SEMA6A: variants seen among roughly 807,000 people sequenced by gnomAD.
SEMA6A encodes semaphorin-6A.
In SEMA6A, 25 loss-of-function variants were observed where a neutral mutation model predicts 96.8. That is an observed-to-expected ratio of 0.26 (90% CI 0.19 to 0.36). The LOEUF is 0.36. Ranked by LOEUF, SEMA6A falls within the 10% of genes least tolerant of loss-of-function variation. The probability of loss-of-function intolerance (pLI) is 1.00; values close to 1 mark genes in which losing one functional copy is unlikely to be tolerated. For missense variants in SEMA6A, 1,363 were observed against 1,323.1 expected, an observed-to-expected ratio of 1.03 and a Z score of -0.47; for synonymous variants, 612 against 518.0, an observed-to-expected ratio of 1.18 and a Z score of -2.46.
intron 1 of SEMA6A, among the ~76,000 whole-genome samples, chr5:116,568,249 G>A (rs566989627): frequency 7.9e-5 from 12 of 152,058 alleles, no homozygotes; most frequent in South Asian, 4.1e-4. Flanking sequence ...TCATGATTTC[G>A]TATTATTTTC....
At chr5:116,513,128 C>CT (rs112348297) in intron 1 of SEMA6A, among the ~76,000 whole-genome samples, 1,846 of 146,928 alleles carry the variant, frequency 0.013, 33 homozygotes, top group African/African-American at 0.043. Context: ...AGGCAGCTAT[C>CT]TTTTTTTTTT....
At chr5:116,484,982 A>G (rs1756981562) in intron 10 of SEMA6A, among the ~76,000 whole-genome samples, 1 of 152,204 alleles carries the variant, frequency 6.6e-6, no homozygotes, top group African/African-American at 2.4e-5. Flanking sequence ...CCTCAGGGCA[A>G]ATGGATTTGA....
intron 1 of SEMA6A, among the ~76,000 whole-genome samples, chr5:116,508,757 GC>G (rs1758263050): frequency 6.6e-6 from 1 of 152,186 alleles, no homozygotes; most frequent in Admixed American, 6.5e-5. Flanking sequence ...AGCATTGGCT[GC>G]CCCAAATAGG....
chr5:116,481,867 GGGA>G (rs1020732536), intron 11 of SEMA6A, among the ~76,000 whole-genome samples: 9 of 152,040 alleles, frequency 5.9e-5, no homozygotes, highest in African/African-American at 1.9e-4. Flanking sequence ...CCATGATTTG[GGGA>G]GGAGGACACT....
intron 1 of SEMA6A, among the ~76,000 whole-genome samples, chr5:116,545,299 G>A (rs886407071): frequency 1.6e-4 from 24 of 152,288 alleles, no homozygotes; most frequent in African/African-American, 4.8e-4. Flanking sequence ...GGCCAGGCAC[G>A]TGGGTCATGC....
chr5:116,517,419 A>C (rs1758722527), intron 1 of SEMA6A, among the ~76,000 whole-genome samples: 1 of 152,204 alleles, frequency 6.6e-6, no homozygotes, highest in Admixed American at 6.5e-5. Flanking sequence ...TAAAATGAGA[A>C]CGTCTCTTAA....
chr5:116,485,359 G>A (rs181810416), intron 10 of SEMA6A, among the ~76,000 whole-genome samples: 5 of 152,268 alleles, frequency 3.3e-5, no homozygotes, highest in East Asian at 1.9e-4. Flanking sequence ...ATTTCCATGT[G>A]CCAAGACAGT....
rs987583160 is a variant in SEMA6A at position 116,445,589 on chromosome 5, G to T, written c.*1024C>A. The stretch of plus-strand genomic sequence containing the variant: ...TGATTGCTTTAGAAATTAGGATCTG[G>T]AAGGACTTTAACATGAATTAGTTTT... On this transcript the variant is annotated 3_prime_UTR_variant, in exon 19 of 19. Coordinates refer to ENST00000343348, the MANE Select transcript of SEMA6A (RefSeq NM_020796.5). 3 of 152,448 alleles carry T rather than the reference G, an allele frequency of 2.0e-5. No individual in the cohort carries two copies. The highest frequency in any genetic ancestry group is 7.2e-5 in the African/African-American group (3 of 41,454). The allele number at this position is 152,448 out of a possible 1,614,324, so 9.4% of individuals were successfully genotyped here. A position where few individuals can be genotyped will look rare whatever the true frequency, so the allele number is the denominator to read the frequency against.
intron 18 of SEMA6A, among the ~76,000 whole-genome samples, chr5:116,460,362 A>C (rs905974043): frequency 6.6e-6 from 1 of 152,174 alleles, no homozygotes; most frequent in Non-Finnish European, 1.5e-5. Flanking sequence ...TTTTTCGTGG[A>C]ATAAGATTTT....
At chr5:116,571,462 A>G (rs998015275) in intron 1 of SEMA6A, among the ~76,000 whole-genome samples, 1 of 152,234 alleles carries the variant, frequency 6.6e-6, no homozygotes, top group African/African-American at 2.4e-5. Flanking sequence ...GCTTCTTTAC[A>G]TCAAGTTGAA....
At chr5:116,480,005 G>T in intron 12 of SEMA6A, 117 bp downstream of exon 12, 1 of 1,208,648 alleles carries the variant, frequency 8.3e-7, no homozygotes. Context: ...ACAGCTGAAT[G>T]AATGCCCAGG....
intron 1 of SEMA6A, among the ~76,000 whole-genome samples, chr5:116,528,773 G>C (rs899655576): frequency 6.6e-6 from 1 of 152,174 alleles, no homozygotes; most frequent in Admixed American, 6.6e-5. Context: ...GTGCTAGGCA[G>C]ATAGCCAGTG....
intron 1 of SEMA6A, among the ~76,000 whole-genome samples, chr5:116,528,128 CTT>C (rs1346149002): frequency 1.3e-5 from 2 of 152,156 alleles, no homozygotes; most frequent in Admixed American, 6.5e-5. Context: ...AATGTGCAGT[CTT>C]TTCTTTTGCT....
chr5:116,449,114 A>AT (rs1343422501), intron 18 of SEMA6A, among the ~76,000 whole-genome samples: 1 of 152,214 alleles, frequency 6.6e-6, no homozygotes, highest in Non-Finnish European at 1.5e-5. Flanking sequence ...AGAAGCTTTT[A>AT]TTTTTTAATA....
chr5:116,448,770 A>C (rs1006056131), intron 18 of SEMA6A, among the ~76,000 whole-genome samples: 1 of 151,628 alleles, frequency 6.6e-6, no homozygotes, highest in African/African-American at 2.4e-5. Context: ...AAAAAAAAAA[A>C]AAAAAACAGT....
intron 1 of SEMA6A, among the ~76,000 whole-genome samples, chr5:116,510,483 C>T (rs1758355496): frequency 6.6e-6 from 1 of 152,162 alleles, no homozygotes; most frequent in African/African-American, 2.4e-5. Flanking sequence ...TAGCAAGATG[C>T]TTAAGCTCTA....
At chr5:116,568,821 TACACAC>T (rs10531207) in intron 1 of SEMA6A, among the ~76,000 whole-genome samples, 88 of 150,706 alleles carry the variant, frequency 5.8e-4, no homozygotes, top group Middle Eastern at 3.4e-3. Flanking sequence ...TGGAAGATTG[TACACAC>T]ACACACACAC....
At chr5:116,500,359 C>T (rs1179836924) in intron 3 of SEMA6A, among the ~76,000 whole-genome samples, 2 of 152,106 alleles carry the variant, frequency 1.3e-5, no homozygotes, top group African/African-American at 4.8e-5. Context: ...CCTATCTGTC[C>T]CTTGGATTCC....
At chr5:116,525,106 G>C (rs1759163073) in intron 1 of SEMA6A, among the ~76,000 whole-genome samples, 1 of 152,108 alleles carries the variant, frequency 6.6e-6, no homozygotes, top group Non-Finnish European at 1.5e-5. Context: ...TGTAAACATG[G>C]CCTTTGAAGT....
Sources: gnomAD v4.1 joint callset for allele counts (sites outside exome capture counted in the v4.1 genomes callset) on GRCh38, gnomAD v4.1.1 for gene constraint, MANE v1.5 for transcripts, NCBI Gene and HGNC (gene_info 2026-07-23, HGNC 2026-07-21) for gene names.